Variants in NUDT6 observed in about 807,000 individuals in gnomAD.
NUDT6 encodes nudix hydrolase 6, also known as FAD diphosphatase NUDT6.
NUDT6 carries 24 observed loss-of-function variants against 36.8 expected under a neutral mutation model. That is an observed-to-expected ratio of 0.65 (90% confidence interval 0.47 to 0.92). NUDT6 has a LOEUF of 0.92. Ranked by LOEUF, NUDT6 falls within the 40% of genes least tolerant of loss-of-function variation. NUDT6 has a pLI of 0.00. For missense variants in NUDT6, 388 were observed against 392.8 expected (o/e 0.99, Z 0.10); for synonymous variants, 163 against 157.0 (o/e 1.04, Z -0.29).
At chr4:122,907,410 C>T (rs1727639211) in intron 3 of NUDT6, among the ~76,000 whole-genome samples, 11 of 151,360 alleles carry the variant, frequency 7.3e-5, no homozygotes, top group Admixed American at 5.3e-4. Flanking sequence ...GCTGAGATTA[C>T]AGGCACCAGC....
rs1553952499 is a variant in NUDT6, at chr4:122,915,490, A to AAC, written c.442+2010_442+2011insGT. 4.2e-3 allele frequency among the ~76,000 whole-genome samples: 584 copies of AAC among 140,616 alleles called. 16 individuals are homozygous for AAC. Among genetic ancestry groups the AAC allele is most frequent in the Non-Finnish European group, 6.4e-3 (411 of 64,692 alleles). The allele number at this position is 140,616 out of a possible 152,430, so 92.2% of individuals were successfully genotyped here. On this transcript the variant is annotated intron_variant, in intron 2 of 4. Coordinates refer to ENST00000304430, the MANE Select transcript of NUDT6 (RefSeq NM_007083.5). ...GCCTCAAAAAAAAAAAAAAAAAAAA[A>AAC]AAAAAAAACAACTCTGCACCTTTCC...
intron 3 of NUDT6, among the ~76,000 whole-genome samples, chr4:122,909,428 T>A (rs1727686892): frequency 6.6e-6 from 1 of 152,228 alleles, no homozygotes; most frequent in African/African-American, 2.4e-5. Flanking sequence ...GTATTTTATG[T>A]CATCACAAAT....
Position 122,917,656 on chromosome 4 carries a change from T to A in NUDT6, c.287A>T (p.His96Leu). 6.2e-7 allele frequency: 1 copy of A among 1,614,230 alleles called. No homozygotes were observed. The highest frequency in any genetic ancestry group is 8.5e-7 in the Non-Finnish European group (1 of 1,180,038). Reference protein sequence around the residue: ...RSEGRTAVWLHIPILQSRFIA... With the variant: ...RSEGRTAVWLLIPILQSRFIA... ...AAATCGGCTTTGGAGGATGGGAATG[T>A]GCAGCCATACAGCTGTTCTACCTTC... The change falls in exon 2 of 5, where the codon CAC becomes CTC. Residue 96 changes from histidine to leucine, a missense_variant. Physicochemically the swap from His to Leu is moderately conservative, Grantham distance 99. Coordinates refer to ENST00000304430, the MANE Select transcript of NUDT6 (RefSeq NM_007083.5).
At chr4:122,895,459 G>A (rs1727320599) in intron 4 of NUDT6, 1 of 152,016 alleles carries the variant, frequency 6.6e-6, no homozygotes, top group African/African-American at 2.4e-5. Flanking sequence ...AAATATAATG[G>A]GAAATAATCT....
rs756354984 is a variant in NUDT6, at chr4:122,917,636, G to A, written c.307C>T (p.Arg103Ter). 29 of 1,614,042 alleles carry A rather than the reference G, an allele frequency of 1.8e-5. 1 individual carries two copies. The highest frequency in any genetic ancestry group is 3.3e-5 in the South Asian group (3 of 91,088). ...VWLHIPILQS[R>*]FIAPAASLGF... ...AGGGAAGCAGCAGGGGCAATAAATC[G>A]GCTTTGGAGGATGGGAATGTGCAGC... Residue 103 changes from arginine (R) to a stop codon, truncating the protein, a stop_gained, in exon 2 of 5, where the codon CGA becomes TGA. Transcript: ENST00000304430. LOFTEE classifies it high-confidence loss of function.
chr4:122,911,937 C>G (rs998662280), intron 3 of NUDT6, among the ~76,000 whole-genome samples: 2 of 152,174 alleles, frequency 1.3e-5, no homozygotes, highest in Non-Finnish European at 2.9e-5. Flanking sequence ...CTGGGCCACA[C>G]TGAACTTTTT....
At chr4:122,914,227 T>C (rs1455223816) in intron 2 of NUDT6, among the ~76,000 whole-genome samples, 1 of 152,148 alleles carries the variant, frequency 6.6e-6, no homozygotes, top group African/African-American at 2.4e-5. Flanking sequence ...GAAATGCAAT[T>C]GAAATGAAAA....
intron 3 of NUDT6, among the ~76,000 whole-genome samples, chr4:122,899,044 A>ATTTTCTTTTTTTTTTTT (rs1727451662): frequency 1.4e-5 from 1 of 69,428 alleles, no homozygotes; most frequent in Non-Finnish European, 3.0e-5. Context: ...ACCACACCTA[A>ATTTTCTTTTTTTTTTTT]TTTTTTTTTT....
At position 122,912,642 on chromosome 4, in the gene NUDT6, A is replaced by AAGAT; in HGVS notation, c.443-23_443-20dup. On this transcript the variant is annotated intron_variant, in intron 2 of 4. Transcript: ENST00000304430. ...ACAGCTCCTATTAGGGGAAAAAGAA[A>AAGAT]AGATAATTGAGAAATATTAATTTCA... 7.0e-7 allele frequency: 1 copy of AAGAT among 1,433,350 alleles called. No homozygotes were observed. The highest frequency in any genetic ancestry group is 9.8e-7 in the Non-Finnish European group (1 of 1,017,106). The allele number at this position is 1,433,350 out of a possible 1,614,324, so 88.8% of individuals were successfully genotyped here. A position where few individuals can be genotyped will look rare whatever the true frequency, so the allele number is the denominator to read the frequency against.
At chr4:122,922,234 G>T in intron 1 of NUDT6, 101 bp downstream of exon 1, 1 of 977,522 alleles carries the variant, frequency 1.0e-6, no homozygotes, top group Non-Finnish European at 1.5e-6. Flanking sequence ...TTCCCTCTGG[G>T]CTCGACAGTG....
At chr4:122,896,346 T>A (rs1727355801) in intron 4 of NUDT6, 1 of 152,536 alleles carries the variant, frequency 6.6e-6, no homozygotes, top group African/African-American at 2.4e-5. Context: ...AGAGGACCCA[T>A]AAGAGTTCAC....
At chr4:122,908,844 A>G (rs1727674829) in intron 3 of NUDT6, among the ~76,000 whole-genome samples, 1 of 152,214 alleles carries the variant, frequency 6.6e-6, no homozygotes, top group African/African-American at 2.4e-5. Flanking sequence ...GTTAACTTTT[A>G]AAGGACCAAC....
At chr4:122,907,596 G>A (rs146812717) in intron 3 of NUDT6, among the ~76,000 whole-genome samples, 5,513 of 151,422 alleles carry the variant, frequency 0.036, 123 homozygotes, top group Non-Finnish European at 0.051. Context: ...AACTACAGGC[G>A]CCCACCACCA....
At chr4:122,915,491 A>ACAAACCAAC (rs67620234) in intron 2 of NUDT6, among the ~76,000 whole-genome samples, 1 of 137,580 alleles carries the variant, frequency 7.3e-6, no homozygotes, top group South Asian at 2.4e-4. Flanking sequence ...AAAAAAAAAA[A>ACAAACCAAC]AAAAAAACAA....
rs891833866 is a variant in NUDT6, at chr4:122,893,164, G to A, written c.615C>T (p.Val205=). 1 of 1,614,084 alleles carries A rather than the reference G, an allele frequency of 6.2e-7. No individual in the cohort carries two copies. The highest frequency in any genetic ancestry group is 8.5e-7 in the Non-Finnish European group (1 of 1,180,014). The change falls in exon 5 of 5, where the codon GTC becomes GTT. Residue 205 remains valine (V), a synonymous_variant. Transcript: ENST00000304430. ...TTGTGTGCTGTTGCCGAATACTCAG[G>A]ACGGACCTGAATTCTGATTTTATAC... is the stretch of plus-strand genomic sequence containing the variant. ...ETGIKSEFRS[V]LSIRQQHTNP...
intron 3 of NUDT6, 172 bp from the exon 4 acceptor site, chr4:122,897,850 T>C (rs548024082): frequency 5.1e-6 from 3 of 592,136 alleles, no homozygotes; most frequent in South Asian, 4.5e-5. Context: ...CTTCTTTTTT[T>C]GGGGGAGCTG....
At chr4:122,905,707 A>ATCTATG in intron 3 of NUDT6, among the ~76,000 whole-genome samples, 1 of 152,336 alleles carries the variant, frequency 6.6e-6, no homozygotes, top group South Asian at 2.1e-4. Flanking sequence ...CTCAGTGCCT[A>ATCTATG]ACACATCTAT....
At chr4:122,909,495 T>A (rs1243300158) in intron 3 of NUDT6, among the ~76,000 whole-genome samples, 3 of 151,064 alleles carry the variant, frequency 2.0e-5, no homozygotes, top group Non-Finnish European at 3.0e-5. Flanking sequence ...AGAATTAAAA[T>A]TTTTTTTTTA....
intron 4 of NUDT6, chr4:122,893,667 T>G (rs999845948): frequency 6.5e-6 from 1 of 153,150 alleles, no homozygotes; most frequent in African/African-American, 2.4e-5. Flanking sequence ...TTCAAGAAAC[T>G]TGGAATATAA....
Sources: gnomAD v4.1 joint callset for allele counts (sites outside exome capture counted in the v4.1 genomes callset) on GRCh38, gnomAD v4.1.1 for gene constraint, MANE v1.5 for transcripts, NCBI Gene and HGNC (gene_info 2026-07-23, HGNC 2026-07-21) for gene names.